NBEA: variants seen among roughly 807,000 people sequenced by gnomAD.
NBEA encodes the protein lysosomal-trafficking regulator 2.
A neutral mutation model predicts 343.4 loss-of-function variants in NBEA; 44 were observed. That is an observed-to-expected ratio of 0.13 (90% CI 0.10 to 0.16). The LOEUF is 0.16. NBEA is among the 10% of genes least tolerant of loss of function. The pLI is 1.00. For missense variants in NBEA, 2,555 were observed against 3,631.3 expected (o/e 0.70, Z 7.62); for synonymous variants, 1,175 against 1,238.7 (o/e 0.95, Z 1.08).
intron 44 of NBEA, among the ~76,000 whole-genome samples, chr13:35,555,948 A>G (rs181791938): frequency 5.9e-5 from 9 of 152,176 alleles, no homozygotes; most frequent in East Asian, 5.8e-4. Context: ...TTTTTAATCT[A>G]TCATACATAA....
intron 11 of NBEA, among the ~76,000 whole-genome samples, chr13:35,099,071 A>G (rs1345211052): frequency 1.4e-5 from 2 of 143,856 alleles, no homozygotes; most frequent in Non-Finnish European, 1.5e-5. Flanking sequence ...TGTCTCCCAC[A>G]GTGGAGTGCA....
Position 35,665,069 on chromosome 13 carries a change from T to G in NBEA, c.8363-16T>G. 6.5e-7 allele frequency: 1 copy of G among 1,549,332 alleles called. No homozygotes were observed. The highest frequency in any genetic ancestry group is 8.8e-7 in the Non-Finnish European group (1 of 1,140,386). On this transcript the variant is annotated splice_polypyrimidine_tract_variant and intron_variant, in intron 55 of 58. Transcript: ENST00000379939. ...CTATTGGTCTGTAGTGCCTCACTGC[T>G]GCTGTTTTCTTGCAGGTGACTATCC... is the stretch of plus-strand genomic sequence containing the variant.
At chr13:35,337,837 A>G (rs546872866) in intron 36 of NBEA, among the ~76,000 whole-genome samples, 26 of 152,182 alleles carry the variant, frequency 1.7e-4, no homozygotes, top group African/African-American at 6.3e-4. Flanking sequence ...AAAGATTCAC[A>G]AATGTGTGGA....
intron 1 of NBEA, among the ~76,000 whole-genome samples, chr13:35,038,990 C>G (rs1409321726): frequency 6.6e-6 from 1 of 152,150 alleles, no homozygotes; most frequent in Non-Finnish European, 1.5e-5. Flanking sequence ...TACTTAAACA[C>G]CAAGAGCACT....
chr13:35,040,197 G>T (rs1036816205), intron 1 of NBEA, among the ~76,000 whole-genome samples: 1 of 151,808 alleles, frequency 6.6e-6, no homozygotes, highest in African/African-American at 2.4e-5. Flanking sequence ...TATGGGATTC[G>T]ATCAACAGAG....
chr13:35,634,143 G>T, intron 49 of NBEA, among the ~76,000 whole-genome samples: 1 of 152,174 alleles, frequency 6.6e-6, no homozygotes, highest in Non-Finnish European at 1.5e-5. Context: ...AGGAGATTGA[G>T]ACTATCCTGG....
chr13:35,064,300 T>A (rs948257833), intron 8 of NBEA, among the ~76,000 whole-genome samples: 4 of 151,840 alleles, frequency 2.6e-5, no homozygotes, highest in Non-Finnish European at 4.4e-5. Context: ...CAAAGGAGAA[T>A]GAGGAGAACA....
chr13:35,568,146 C>A (rs1180177798), intron 45 of NBEA, among the ~76,000 whole-genome samples: 2 of 152,114 alleles, frequency 1.3e-5, no homozygotes, highest in Non-Finnish European at 2.9e-5. Context: ...ATTATTGTTA[C>A]ACATGGAATA....
chr13:35,252,360 G>A (rs2032080574), intron 34 of NBEA, among the ~76,000 whole-genome samples: 1 of 152,088 alleles, frequency 6.6e-6, no homozygotes, highest in Admixed American at 6.6e-5. Flanking sequence ...TGACACTTGG[G>A]GATTATGAGG....
At chr13:35,512,348 C>T (rs977030124) in intron 41 of NBEA, among the ~76,000 whole-genome samples, 1 of 152,190 alleles carries the variant, frequency 6.6e-6, no homozygotes, top group Non-Finnish European at 1.5e-5. Context: ...CCTGGACTTT[C>T]ATGTTGGCCC....
chr13:35,070,273 A>C (rs2063815038), intron 9 of NBEA, among the ~76,000 whole-genome samples, 168 bp downstream of exon 9: 1 of 152,050 alleles, frequency 6.6e-6, no homozygotes, highest in South Asian at 2.1e-4. Flanking sequence ...TTTCTATAGC[A>C]ATATACTCTA....
intron 1 of NBEA, among the ~76,000 whole-genome samples, chr13:34,982,284 A>C (rs1208669237): frequency 6.6e-6 from 1 of 151,634 alleles, no homozygotes; most frequent in Non-Finnish European, 1.5e-5. Context: ...GGCATTTCTA[A>C]AGATTTTGTT....
rs117126412 is a variant in NBEA at position 35,047,253 on chromosome 13, G to A, written c.724-1310G>A. Among the ~76,000 whole-genome samples, 486 of 150,374 alleles carry A rather than the reference G, an allele frequency of 3.2e-3. 1 individual carries two copies. The highest frequency in any genetic ancestry group is 5.5e-3 in the Non-Finnish European group (367 of 67,278). On this transcript the variant is annotated intron_variant, in intron 4 of 58. Transcript: ENST00000379939. ...TATTTTTTTTAACAGCAAGCACTTA[G>A]AAATCTTTGACTACTTTGAGATTAT...
chr13:35,309,890 C>A (rs1460488862), intron 36 of NBEA, among the ~76,000 whole-genome samples: 1 of 152,106 alleles, frequency 6.6e-6, no homozygotes, highest in Non-Finnish European at 1.5e-5. Context: ...AATCTGCAAT[C>A]CCATCTGCCA....
intron 23 of NBEA, 49 bp downstream of exon 23, chr13:35,162,016 C>T (rs2069598009): frequency 6.9e-7 from 1 of 1,444,434 alleles, no homozygotes; most frequent in Non-Finnish European, 9.4e-7. Flanking sequence ...TTAAAATATG[C>T]CATTGCCTAT....
intron 41 of NBEA, among the ~76,000 whole-genome samples, chr13:35,490,418 C>T (rs2076458646): frequency 6.6e-6 from 1 of 151,882 alleles, no homozygotes; most frequent in South Asian, 2.1e-4. Context: ...TAATGTAGAT[C>T]ACCAACTAGA....
At chr13:35,642,891 A>G (rs1431355980) in intron 49 of NBEA, among the ~76,000 whole-genome samples, 3 of 151,296 alleles carry the variant, frequency 2.0e-5, no homozygotes, top group Non-Finnish European at 4.4e-5. Context: ...GTTTCATTTT[A>G]CCAGTATCAT....
chr13:35,364,629 A>AG (rs2152877340), intron 38 of NBEA, among the ~76,000 whole-genome samples: 1 of 151,970 alleles, frequency 6.6e-6, no homozygotes, highest in South Asian at 2.1e-4. Context: ...AAAGTGATTA[A>AG]GGGGGATTGA....
intron 41 of NBEA, among the ~76,000 whole-genome samples, chr13:35,508,019 T>G (rs976131390): frequency 6.6e-6 from 1 of 152,196 alleles, no homozygotes; most frequent in African/African-American, 2.4e-5. Context: ...CACCTACATA[T>G]GCAACTTTGT....
Sources: gnomAD v4.1 joint callset for allele counts (sites outside exome capture counted in the v4.1 genomes callset) on GRCh38, gnomAD v4.1.1 for gene constraint, MANE v1.5 for transcripts, NCBI Gene and HGNC (gene_info 2026-07-23, HGNC 2026-07-21) for gene names.